Variants in DAB2IP observed in about 807,000 individuals in gnomAD.
DAB2IP encodes the protein DAB2 interacting protein.
Under a neutral mutation model 107.2 loss-of-function variants are expected in DAB2IP, and 28 were observed. That is an observed-to-expected ratio of 0.26 (90% CI 0.19 to 0.36). The LOEUF is 0.36. Among genes scored for constraint, DAB2IP ranks in the 10% least tolerant of loss-of-function variants. The pLI is 1.00. For synonymous variants in DAB2IP, 755 were observed against 706.4 expected, an observed-to-expected ratio of 1.07 and a Z score of -1.09; for missense variants, 1,400 against 1,644.7, an observed-to-expected ratio of 0.85 and a Z score of 2.57.
At chr9:121,657,548 A>C (rs1833019531) in intron 1 of DAB2IP, among the ~76,000 whole-genome samples, 1 of 152,152 alleles carries the variant, frequency 6.6e-6, no homozygotes, top group Non-Finnish European at 1.5e-5. Context: ...ACCAGGTGGG[A>C]AACGGAGCTC....
rs908635635 is a variant in DAB2IP at position 121,737,327 on chromosome 9, T to A, written c.363-19686T>A. ...TGCATGGAAGACGGTAATTTTCCAC[T>A]TGTTTCCTGAAGGACACGGAAACCT... On this transcript the variant is annotated intron_variant, in intron 3 of 15. Transcript: ENST00000408936. 4 of 985,364 alleles carry A rather than the reference T, an allele frequency of 4.1e-6. No individual in the cohort carries two copies. The African/African-American group carries it at 5.2e-5, about 13-fold the overall frequency. 61.0% of individuals were successfully genotyped at this position (985,364 alleles called of 1,614,324 possible).
chr9:121,644,581 G>A (rs12344043), intron 1 of DAB2IP, among the ~76,000 whole-genome samples: 33,534 of 151,486 alleles, frequency 0.22, 4,279 homozygotes, highest in South Asian at 0.39. Flanking sequence ...TGGGCTTGCT[G>A]AGACTCCATC....
Position 121,684,781 on chromosome 9 carries a change from T to C in DAB2IP, c.228+6000T>C, listed in dbSNP as rs868532588. Among the ~76,000 whole-genome samples the C allele has an allele frequency of 1.3e-5, 2 of 152,350 alleles. No homozygotes were observed. Among genetic ancestry groups the C allele is most frequent in the Admixed American group, 6.5e-5 (1 of 15,310 alleles). ...GCTCACAGATCAGACAAGCCAGATC[T>C]GTCCCAGGGTATATGGGGAAACTGA... On this transcript the variant is annotated intron_variant, in intron 2 of 15. Coordinates refer to ENST00000408936, the Ensembl canonical transcript of DAB2IP. The surrounding 1 kb of genome is among the most constrained non-coding windows in gnomAD (Gnocchi z 4.0).
intron 1 of DAB2IP, among the ~76,000 whole-genome samples, chr9:121,605,300 T>C (rs1018807125): frequency 1.3e-5 from 2 of 152,066 alleles, no homozygotes; most frequent in Admixed American, 6.5e-5. Flanking sequence ...ATTACAGGCA[T>C]GAGCCACCAT....
intron 1 of DAB2IP, among the ~76,000 whole-genome samples, chr9:121,598,951 C>T (rs1830597514): frequency 6.6e-6 from 1 of 152,214 alleles, no homozygotes; most frequent in Non-Finnish European, 1.5e-5. Flanking sequence ...GCGGGACGTT[C>T]CCTCCAGCCA....
intron 1 of DAB2IP, among the ~76,000 whole-genome samples, chr9:121,582,987 G>A (rs962890756): frequency 2.0e-5 from 3 of 152,236 alleles, no homozygotes; most frequent in Non-Finnish European, 4.4e-5. Context: ...CCTTAGGCTT[G>A]GGACAGAAAG....
At chr9:121,767,781 C>G (rs1309268846) in intron 9 of DAB2IP, among the ~76,000 whole-genome samples, 5 of 152,160 alleles carry the variant, frequency 3.3e-5, no homozygotes, top group Admixed American at 6.5e-5. Flanking sequence ...GTTCCAGCAA[C>G]AATAGCAGAA....
chr9:121,759,639 T>TA (rs1279486317), intron 5 of DAB2IP, among the ~76,000 whole-genome samples: 3 of 152,220 alleles, frequency 2.0e-5, no homozygotes, highest in African/African-American at 7.2e-5. Context: ...TGCCGTTTCA[T>TA]AGACAAGCAA....
chr9:121,628,385 C>G (rs1831747411), intron 1 of DAB2IP, among the ~76,000 whole-genome samples: 1 of 152,258 alleles, frequency 6.6e-6, no homozygotes, highest in Admixed American at 6.5e-5. Context: ...TGGCACAAGC[C>G]ATGGGATCAC....
At chr9:121,651,524 C>A, upstream of DAB2IP, 1 of 365,696 alleles carries the variant, frequency 2.7e-6, no homozygotes, top group Non-Finnish European at 3.9e-6. This position sits in a 1 kb window ranked among gnomAD's most constrained non-coding sequence, Gnocchi z 5.1. Context: ...ATTTCTCCCG[C>A]ACTGACTTTC....
chr9:121,642,594 G>A (rs1321593988), intron 1 of DAB2IP, among the ~76,000 whole-genome samples: 1 of 141,872 alleles, frequency 7.0e-6, no homozygotes, highest in Non-Finnish European at 1.5e-5. Flanking sequence ...CAAAGTGCTG[G>A]AACCACAGCT....
intron 1 of DAB2IP, among the ~76,000 whole-genome samples, chr9:121,640,220 A>G (rs771304631): frequency 2.0e-5 from 3 of 152,108 alleles, no homozygotes; most frequent in Non-Finnish European, 4.4e-5. Flanking sequence ...GGCAGCGCAG[A>G]TCAGCACCTG....
In DAB2IP at chr9:121,766,474, C is replaced by T; in HGVS notation, c.1461-20C>T. On this transcript the variant is annotated intron_variant, in intron 8 of 15. Coordinates refer to ENST00000408936, the Ensembl canonical transcript of DAB2IP. ...GCCCCTGCCTGACAGCCAAGCCCACCTTTGTCTGTCCCTACACAGTGTCTT... is the reference window on the plus strand; with the variant it reads ...GCCCCTGCCTGACAGCCAAGCCCACTTTTGTCTGTCCCTACACAGTGTCTT... 6.3e-7 allele frequency: 1 copy of T among 1,596,584 alleles called. No individual in the cohort carries two copies. The highest frequency in any genetic ancestry group is 8.5e-7 in the Non-Finnish European group (1 of 1,175,558).
chr9:121,616,170 T>C (rs1016493598), intron 1 of DAB2IP, among the ~76,000 whole-genome samples: 4 of 152,114 alleles, frequency 2.6e-5, no homozygotes, highest in African/African-American at 9.7e-5. Flanking sequence ...CCTGTGGCCC[T>C]ATGTGGTTGC....
At chr9:121,748,312 G>A (rs1832857119) in intron 3 of DAB2IP, among the ~76,000 whole-genome samples, 1 of 152,186 alleles carries the variant, frequency 6.6e-6, no homozygotes, top group Non-Finnish European at 1.5e-5. Context: ...CTGGGGTGCT[G>A]GGCTGATTGG....
At chr9:121,757,312 C>A in intron 4 of DAB2IP, 146 bp downstream of exon 4, 3 of 1,067,720 alleles carry the variant, frequency 2.8e-6, no homozygotes, top group Non-Finnish European at 3.9e-6. Flanking sequence ...TTACCGATAG[C>A]TTTCAGCTCC....
At chr9:121,780,788 G>A (rs1401071052) in intron 14 of DAB2IP, among the ~76,000 whole-genome samples, 2 of 152,176 alleles carry the variant, frequency 1.3e-5, no homozygotes, top group African/African-American at 4.8e-5. Context: ...CCGGCCTCCT[G>A]CCCACTGAGC....
intron 11 of DAB2IP, among the ~76,000 whole-genome samples, chr9:121,771,137 TGGG>T (rs952047854): frequency 2.6e-5 from 4 of 152,056 alleles, no homozygotes; most frequent in African/African-American, 9.7e-5. Flanking sequence ...AGTGTTTAGT[TGGG>T]GGTGTTTTCA....
chr9:121,758,991 A>T (rs1164382256), exon 5 of DAB2IP: 2 of 1,611,770 alleles, frequency 1.2e-6, no homozygotes, highest in African/African-American at 1.3e-5. Context: ...GGTGCATCCC[A>T]ACAAGGTAAG....
Sources: gnomAD v4.1 joint callset for allele counts (sites outside exome capture counted in the v4.1 genomes callset) on GRCh38, gnomAD v4.1.1 for gene constraint, Gnocchi (gnomAD v3.1) non-coding constraint, MANE v1.5 for transcripts, NCBI Gene and HGNC (gene_info 2026-07-23, HGNC 2026-07-21) for gene names.